The following PXYLP1 variants were observed in gnomAD, a reference collection of about 807,000 sequenced individuals.
PXYLP1 encodes acid phosphatase-like 2.
PXYLP1 carries 17 observed loss-of-function variants against 37.9 expected under a neutral mutation model. The ratio of observed to expected loss-of-function variants is 0.45; its 90% CI spans 0.31 to 0.67. PXYLP1 has a LOEUF of 0.67. Ranked by LOEUF, PXYLP1 falls within the 30% of genes least tolerant of loss-of-function variation. PXYLP1 has a pLI of 0.07. For missense variants in PXYLP1, 511 were observed against 612.0 expected (o/e 0.84, Z 1.74); for synonymous variants, 221 against 232.2 (o/e 0.95, Z 0.44).
At position 141,293,635 on chromosome 3, in the gene PXYLP1, G is replaced by C. The variant is rs183510163; in HGVS notation, c.*430G>C. 5.5e-5 allele frequency: 9 copies of C among 162,332 alleles called. No individual in the cohort carries two copies. Among genetic ancestry groups the C allele is most frequent in the African/African-American group, 2.2e-4 (9 of 41,540 alleles). 10.1% of individuals were successfully genotyped at this position (162,332 alleles called of 1,614,324 possible). A position where few individuals can be genotyped will look rare whatever the true frequency, so the allele number is the denominator to read the frequency against. ...CTTGAAGTGATTTATCTAAAATAAA[G>C]GTTGGCAAACTTTTTCTGTAAAGGG... On this transcript the variant is annotated 3_prime_UTR_variant, in exon 6 of 6. Coordinates refer to ENST00000286353, the MANE Select transcript of PXYLP1 (RefSeq NM_001037172.3).
intron 1 of PXYLP1, among the ~76,000 whole-genome samples, chr3:141,244,677 T>A (rs1034995764): frequency 1.3e-5 from 2 of 151,098 alleles, no homozygotes; most frequent in African/African-American, 4.9e-5. Flanking sequence ...CTAAGCCCAC[T>A]TCTTTCTTTT....
At chr3:141,285,146 T>TTTTC (rs1553754972) in intron 4 of PXYLP1, among the ~76,000 whole-genome samples, 8 of 39,704 alleles carry the variant, frequency 2.0e-4, no homozygotes, top group Non-Finnish European at 4.0e-4. Flanking sequence ...TTCTTTTTCT[T>TTTTC]TTTTTTTTTT....
chr3:141,254,252 G>A (rs568699073), intron 1 of PXYLP1, among the ~76,000 whole-genome samples: 3 of 152,202 alleles, frequency 2.0e-5, no homozygotes, highest in African/African-American at 7.2e-5. Flanking sequence ...GTCTTGTATC[G>A]TTTCTCCCAT....
intron 1 of PXYLP1, among the ~76,000 whole-genome samples, chr3:141,250,882 T>C (rs1941125522): frequency 6.6e-6 from 1 of 152,232 alleles, no homozygotes. Context: ...TTCTGTTACC[T>C]GCAGCCAAGC....
intron 1 of PXYLP1, among the ~76,000 whole-genome samples, chr3:141,256,170 TC>T: frequency 6.6e-6 from 1 of 152,310 alleles, no homozygotes; most frequent in South Asian, 2.1e-4. Context: ...GTGTGATTCT[TC>T]CGGAGTGTGG....
chr3:141,293,353 G>A lies in PXYLP1; in HGVS notation c.*148G>A. The A allele has an allele frequency of 1.2e-6, 1 of 830,696 alleles. No homozygotes were observed. Among genetic ancestry groups the A allele is most frequent in the Non-Finnish European group, 1.8e-6 (1 of 547,562 alleles). 51.5% of individuals were successfully genotyped at this position (830,696 alleles called of 1,614,324 possible). On this transcript the variant is annotated 3_prime_UTR_variant, in exon 6 of 6. Transcript: ENST00000286353. ...GTGGGAACCACAGATGGTTGGGGTT[G>A]AACAGTAAGCACATTGCTGCAATGT... is the stretch of plus-strand genomic sequence containing the variant.
Position 141,268,194 on chromosome 3 carries a change from AGAGAGAGAGAGAGTGTGTGTGT to A in PXYLP1, c.79+7942_79+7963del, listed in dbSNP as rs778091069. 6.7e-5 allele frequency among the ~76,000 whole-genome samples: 8 copies of A among 119,140 alleles called. No homozygotes were observed. The East Asian group carries it at 7.4e-4, about 11-fold the overall frequency. The allele number at this position is 119,140 out of a possible 152,430, so 78.2% of individuals were successfully genotyped here. A position where few individuals can be genotyped will look rare whatever the true frequency, so the allele number is the denominator to read the frequency against. On this transcript the variant is annotated intron_variant, in intron 2 of 5. Coordinates refer to ENST00000286353, the MANE Select transcript of PXYLP1 (RefSeq NM_001037172.3). Reference sequence around the variant, plus strand: ...GAGAGAGAGAGAGAGAGAGAGAGAGAGAGAGAGAGAGAGTGTGTGTGTGTGTGTGTGTGTGTGTGTGTGTGTG... The same window carrying A: ...GAGAGAGAGAGAGAGAGAGAGAGAGAGTGTGTGTGTGTGTGTGTGTGTGTG...
intron 5 of PXYLP1, chr3:141,291,682 G>C (rs764425697): frequency 6.5e-6 from 1 of 154,634 alleles, no homozygotes; most frequent in Non-Finnish European, 1.4e-5. Flanking sequence ...GAATGCATGT[G>C]TGTTGACGAG....
chr3:141,278,211 T>C (rs1941844038), intron 2 of PXYLP1, 131 bp from the exon 3 acceptor site: 1 of 1,042,900 alleles, frequency 9.6e-7, no homozygotes. Flanking sequence ...TGACTTCTGC[T>C]CCACTGAAGT....
intron 5 of PXYLP1, among the ~76,000 whole-genome samples, chr3:141,289,644 A>G (rs1576608940): frequency 1.3e-5 from 2 of 152,226 alleles, no homozygotes; most frequent in East Asian, 3.8e-4. Flanking sequence ...CCAGGAATAA[A>G]AAAGCTGTCT....
chr3:141,288,904 A>G (rs1006849286), intron 5 of PXYLP1, among the ~76,000 whole-genome samples: 3 of 152,158 alleles, frequency 2.0e-5, no homozygotes, highest in Admixed American at 1.3e-4. Flanking sequence ...TCAATGAATG[A>G]ATGAATGAAT....
chr3:141,250,196 C>T (rs1941110311), intron 1 of PXYLP1, among the ~76,000 whole-genome samples: 2 of 152,226 alleles, frequency 1.3e-5, no homozygotes, highest in Admixed American at 6.5e-5. Context: ...CAGGAGGCTG[C>T]TCTGCTGTTT....
chr3:141,289,403 A>G (rs905183645), intron 5 of PXYLP1, among the ~76,000 whole-genome samples: 15 of 152,222 alleles, frequency 9.9e-5, no homozygotes, highest in Non-Finnish European at 2.1e-4. Flanking sequence ...CCAGCCCCCC[A>G]GCCCCTACCC....
At position 141,293,264 on chromosome 3, in the gene PXYLP1, A is replaced by G. The variant is rs1942276185; in HGVS notation, c.*59A>G. ...CAATACAGAGCATAGGGAAAGGTCCACTTCTAGTTTTGTCTGTTACTAAGG... is the reference window on the plus strand; with the variant it reads ...CAATACAGAGCATAGGGAAAGGTCCGCTTCTAGTTTTGTCTGTTACTAAGG... On this transcript the variant is annotated 3_prime_UTR_variant, in exon 6 of 6. Coordinates refer to ENST00000286353, the MANE Select transcript of PXYLP1 (RefSeq NM_001037172.3). The G allele has an allele frequency of 3.4e-6, 5 of 1,488,530 alleles. No individual in the cohort carries two copies. Among genetic ancestry groups the G allele is most frequent in the Non-Finnish European group, 4.5e-6 (5 of 1,103,628 alleles). 92.2% of individuals were successfully genotyped at this position (1,488,530 alleles called of 1,614,324 possible). A position where few individuals can be genotyped will look rare whatever the true frequency, so the allele number is the denominator to read the frequency against.
At chr3:141,291,125 A>G (rs898836058) in intron 5 of PXYLP1, among the ~76,000 whole-genome samples, 1 of 152,100 alleles carries the variant, frequency 6.6e-6, no homozygotes, top group African/African-American at 2.4e-5. Flanking sequence ...TCCCAGGGGA[A>G]CATATTTCCC....
At chr3:141,262,940 C>T (rs1941428167) in intron 2 of PXYLP1, among the ~76,000 whole-genome samples, 1 of 151,970 alleles carries the variant, frequency 6.6e-6, no homozygotes, top group Admixed American at 6.6e-5. Flanking sequence ...TTTTGAATAC[C>T]AAATTAGCAT....
rs1450050767 is a variant in PXYLP1 at position 141,248,501 on chromosome 3, ATATATATATATACACACACACACACG to A, written c.-53-11611_-53-11586del. On this transcript the variant is annotated intron_variant, in intron 1 of 5. Coordinates refer to ENST00000286353, the MANE Select transcript of PXYLP1 (RefSeq NM_001037172.3). ...GAGCAATATGTGTGCGTGTGTGTAT[ATATATATATATACACACACACACACG>A]TATATATATACACACACGTATATAT... Among the ~76,000 whole-genome samples the A allele has an allele frequency of 2.0e-3, 250 of 127,598 alleles. 1 individual carries two copies. Among genetic ancestry groups the A allele is most frequent in the African/African-American group, 8.1e-3 (218 of 26,814 alleles). The allele number at this position is 127,598 out of a possible 152,430, so 83.7% of individuals were successfully genotyped here.
At chr3:141,243,311 G>C (rs193154053) in intron 1 of PXYLP1, among the ~76,000 whole-genome samples, 11 of 152,316 alleles carry the variant, frequency 7.2e-5, no homozygotes, top group Admixed American at 2.0e-4. Flanking sequence ...TATGCAGGCT[G>C]TATCTATCAG....
chr3:141,235,744 C>T (rs1940645044), intron 1 of PXYLP1, among the ~76,000 whole-genome samples: 1 of 152,240 alleles, frequency 6.6e-6, no homozygotes, highest in Admixed American at 6.5e-5. Flanking sequence ...CCTGGAGATG[C>T]TGCATGGCAG....
Sources: allele counts gnomAD v4.1 joint callset (sites outside exome capture counted in the v4.1 genomes callset), GRCh38; gene constraint gnomAD v4.1.1; transcripts MANE v1.5; gene names NCBI Gene and HGNC (gene_info 2026-07-23, HGNC 2026-07-21).